The following HEPHL1 variants were observed in gnomAD, a reference collection of about 807,000 sequenced individuals.
HEPHL1 encodes the protein ferroxidase HEPHL1.
A neutral mutation model predicts 122.0 loss-of-function variants in HEPHL1; 123 were observed. The observed-to-expected ratio is 1.01, with a 90% confidence interval of 0.87 to 1.17. The LOEUF (loss-of-function observed/expected upper bound fraction) is 1.17, where lower values mean the gene tolerates loss of function less well. Among genes scored for constraint, HEPHL1 ranks in the 50% most tolerant of loss-of-function variants. The pLI is 0.00. For missense variants in HEPHL1, 1,452 were observed against 1,430.5 expected (o/e 1.01, Z -0.24); for synonymous variants, 527 against 508.9 (o/e 1.04, Z -0.48).
intron 1 of HEPHL1, among the ~76,000 whole-genome samples, chr11:94,026,201 G>T (rs1192946627): frequency 6.6e-6 from 1 of 152,068 alleles, no homozygotes; most frequent in Non-Finnish European, 1.5e-5. Context: ...CTACATTCCA[G>T]GAAGAAAGAG....
At chr11:94,098,880 T>A (rs944764957) in intron 13 of HEPHL1, among the ~76,000 whole-genome samples, 1 of 152,224 alleles carries the variant, frequency 6.6e-6, no homozygotes, top group African/African-American at 2.4e-5. Context: ...ATTTAAGGAC[T>A]TCTCTACACT....
At position 94,111,580 on chromosome 11, in the gene HEPHL1, T is replaced by A; in HGVS notation, c.3252T>A (p.Ser1084=). The change falls in exon 19 of 20, where the codon TCT becomes TCA. Residue 1084 remains serine (S), a synonymous_variant. Coordinates refer to ENST00000315765, the MANE Select transcript of HEPHL1 (RefSeq NM_001098672.2). ...PYSTTSPGVA[S]HPATVPSNER... is the part of the protein sequence containing the mutation. ...CCACCACATCTCCTGGAGTGGCATC[T>A]CACCCAGCCACGGTGCCATCTAACG... The A allele has an allele frequency of 6.2e-7, 1 of 1,606,236 alleles. No homozygotes were observed. Among genetic ancestry groups the A allele is most frequent in the South Asian group, 1.1e-5 (1 of 89,530 alleles).
At chr11:94,026,677 C>T (rs1945628623) in intron 1 of HEPHL1, among the ~76,000 whole-genome samples, 1 of 152,166 alleles carries the variant, frequency 6.6e-6, no homozygotes, top group African/African-American at 2.4e-5. Flanking sequence ...GTGGGGTGAC[C>T]AATCTTCTGT....
At chr11:94,045,963 A>C (rs1945832408) in intron 2 of HEPHL1, 46 bp downstream of exon 2, 2 of 1,575,662 alleles carry the variant, frequency 1.3e-6, no homozygotes. Flanking sequence ...CTATTTCATA[A>C]GTAAGGTAAC....
intron 2 of HEPHL1, among the ~76,000 whole-genome samples, chr11:94,048,963 TA>T (rs1262345354): frequency 6.6e-6 from 1 of 151,754 alleles, no homozygotes; most frequent in East Asian, 1.9e-4. Flanking sequence ...CTACTAAAAA[TA>T]CAAAAAATTA....
intron 2 of HEPHL1, 74 bp from the exon 3 acceptor site, chr11:94,063,434 C>G (rs1296201340): frequency 7.7e-6 from 9 of 1,167,748 alleles, no homozygotes; most frequent in Non-Finnish European, 2.5e-6. Context: ...AAGCTCTGGC[C>G]CTCTCTACTA....
chr11:94,070,481 T>G lies in HEPHL1; in HGVS notation c.1171T>G (p.Trp391Gly). 6.2e-7 allele frequency: 1 copy of G among 1,611,164 alleles called. No homozygotes were observed. Among genetic ancestry groups the G allele is most frequent in the Non-Finnish European group, 8.5e-7 (1 of 1,178,574 alleles). Residue 391 changes from tryptophan to glycine, a missense_variant, in exon 6 of 20, where the codon TGG (tryptophan) becomes GGG (glycine). Physicochemically the swap from Trp to Gly is radical, Grantham distance 184 (BLOSUM62 -2). Transcript: ENST00000315765. The part of the protein sequence containing the change: ...RYFIAAEKIL[W>G]DYAPQGYNKF... Reference sequence around the variant, plus strand: ...CTTTATAGCAGCTGAAAAAATTCTTTGGGATTATGCTCCTCAAGGCTATAA... The same window carrying G: ...CTTTATAGCAGCTGAAAAAATTCTTGGGGATTATGCTCCTCAAGGCTATAA...
intron 13 of HEPHL1, among the ~76,000 whole-genome samples, chr11:94,093,988 ATATATATATATATATATATATATAT>A (rs1946285457): frequency 1.2e-5 from 1 of 83,802 alleles, no homozygotes; most frequent in Non-Finnish European, 2.3e-5. Flanking sequence ...ATATATATAT[ATATATATATATATATATATATATAT>A]AAAACTTTAA....
At chr11:94,090,339 C>T (rs74557248) in intron 12 of HEPHL1, among the ~76,000 whole-genome samples, 4,371 of 152,218 alleles carry the variant, frequency 0.029, 218 homozygotes, top group African/African-American at 0.1. Context: ...TGTATAATAA[C>T]TTTGTCATGT....
intron 9 of HEPHL1, among the ~76,000 whole-genome samples, chr11:94,077,168 C>G (rs1000560250): frequency 6.6e-6 from 1 of 152,070 alleles, no homozygotes; most frequent in Non-Finnish European, 1.5e-5. Context: ...AAACAAGGAC[C>G]CTCTCTGACA....
At position 94,086,054 on chromosome 11, in the gene HEPHL1, G is replaced by A. The variant is rs776379616; in HGVS notation, c.1945G>A (p.Gly649Arg). 8.7e-6 allele frequency: 14 copies of A among 1,613,842 alleles called. No individual in the cohort carries two copies. Among genetic ancestry groups the A allele is most frequent in the Non-Finnish European group, 1.2e-5 (14 of 1,179,844 alleles). Residue 649 changes from glycine to arginine, a missense_variant, in exon 11 of 20, where the codon GGA becomes AGA. Physicochemically the swap from Gly to Arg is moderately radical, Grantham distance 125 (BLOSUM62 -2). Transcript: ENST00000315765. ...GGATAGAGTTTCCTGGCATCTGATT[G>A]GATTGGGCACTGACACTGACATGCA... Reference protein sequence around the residue: ...KRDRVSWHLIGLGTDTDMHGI... With the variant: ...KRDRVSWHLIRLGTDTDMHGI...
intron 14 of HEPHL1, 47 bp from the exon 15 acceptor site, chr11:94,102,867 G>T: frequency 1.0e-6 from 1 of 955,806 alleles, no homozygotes; most frequent in Non-Finnish European, 1.7e-6. Context: ...TAAATCATCT[G>T]AAACACAGAT....
rs761601480 is a variant in HEPHL1, at chr11:94,106,116, A to G, written c.3031A>G (p.Ser1011Gly). 1.9e-6 allele frequency: 3 copies of G among 1,559,976 alleles called. No individual in the cohort carries two copies. Among genetic ancestry groups the G allele is most frequent in the Admixed American group, 1.8e-5 (1 of 56,214 alleles). The stretch of plus-strand genomic sequence containing the variant: ...ACATACCATCCATTATCATGCTGAG[A>G]GCTTTCTTTTCAAAGTAAGTATAAG... Reference protein sequence around the residue: ...DIHTIHYHAESFLFKIDKSYR... With the variant: ...DIHTIHYHAEGFLFKIDKSYR... Residue 1011 changes from serine to glycine, a missense_variant, in exon 17 of 20, where the codon AGC becomes GGC. Ser to Gly is a moderately conservative substitution (Grantham distance 56). Coordinates refer to ENST00000315765, the MANE Select transcript of HEPHL1 (RefSeq NM_001098672.2).
rs767751041 is a variant in HEPHL1, at chr11:94,088,899, T to C, written c.2225T>C (p.Val742Ala). ...IRTFYIAAEEVEWDYAPNKNW... is the reference protein window; with the variant it reads ...IRTFYIAAEEAEWDYAPNKNW... ...ACTTTTTACATCGCCGCTGAAGAAG[T>C]AGAATGGGATTATGCCCCTAACAAA... Residue 742 changes from valine (V) to alanine (A), a missense_variant, in exon 12 of 20, where the codon GTA becomes GCA. Coordinates refer to ENST00000315765, the MANE Select transcript of HEPHL1 (RefSeq NM_001098672.2). The C allele has an allele frequency of 9.3e-6, 15 of 1,613,660 alleles. No homozygotes were observed. In the Admixed American group the frequency reaches 1.2e-4, roughly 13 times the overall value.
intron 12 of HEPHL1, among the ~76,000 whole-genome samples, chr11:94,090,497 G>A (rs185269437): frequency 3.3e-5 from 5 of 151,702 alleles, no homozygotes; most frequent in South Asian, 2.1e-4. Flanking sequence ...AGTGACATAA[G>A]GAGATAAAAT....
rs754517918 is a variant in HEPHL1, at chr11:94,082,547, G to T, written c.1846G>T (p.Val616Leu). 5 of 1,611,302 alleles carry T rather than the reference G, an allele frequency of 3.1e-6. No homozygotes were observed. Among genetic ancestry groups the T allele is most frequent in the Non-Finnish European group, 3.4e-6 (4 of 1,179,160 alleles). ...CATTGACAAAGAAGATAAAGAGTTT[G>T]TGAAATCCAACCGAATGCATGGTAT... ...FSIDKEDKEF[V>L]KSNRMHAVNG... Residue 616 changes from valine to leucine, a missense_variant, in exon 10 of 20, where the codon GTG becomes TTG. Val to Leu is a conservative substitution (Grantham distance 32). Coordinates refer to ENST00000315765, the MANE Select transcript of HEPHL1 (RefSeq NM_001098672.2).
intron 1 of HEPHL1, among the ~76,000 whole-genome samples, chr11:94,024,861 A>G (rs1945610857): frequency 6.6e-6 from 1 of 152,180 alleles, no homozygotes; most frequent in Non-Finnish European, 1.5e-5. Flanking sequence ...GAACTTTGTC[A>G]TTGACAATAT....
Position 94,112,894 on chromosome 11 carries a change from A to C in HEPHL1, c.*1000A>C, listed in dbSNP as rs1305126529. On this transcript the variant is annotated 3_prime_UTR_variant, in exon 20 of 20. Transcript: ENST00000315765. Reference sequence around the variant, plus strand: ...ATAACATTCTCATTGTATGAGAAACATCAGGAGGAATTTATCAATGTAGGT... The same window carrying C: ...ATAACATTCTCATTGTATGAGAAACCTCAGGAGGAATTTATCAATGTAGGT... 6.6e-6 allele frequency: 1 copy of C among 152,172 alleles called. No individual in the cohort carries two copies. The highest frequency in any genetic ancestry group is 2.4e-5 in the African/African-American group (1 of 41,444). 9.4% of individuals were successfully genotyped at this position (152,172 alleles called of 1,614,324 possible).
At chr11:94,045,962 A>C in intron 2 of HEPHL1, 45 bp downstream of exon 2, 1 of 1,575,292 alleles carries the variant, frequency 6.3e-7, no homozygotes, top group Non-Finnish European at 8.7e-7. Flanking sequence ...TCTATTTCAT[A>C]AGTAAGGTAA....
Sources: allele counts gnomAD v4.1 joint callset (sites outside exome capture counted in the v4.1 genomes callset), GRCh38; gene constraint gnomAD v4.1.1; transcripts MANE v1.5; gene names NCBI Gene and HGNC (gene_info 2026-07-23, HGNC 2026-07-21).